Variants in PRSS23 observed in about 807,000 individuals in gnomAD.
The protein encoded by PRSS23 is serine protease 23, also known as protease, serine 23.
In PRSS23, 25 loss-of-function variants were observed where a neutral mutation model predicts 34.7. The ratio of observed to expected loss-of-function variants is 0.72; its 90% CI spans 0.53 to 1.01. PRSS23 has a LOEUF of 1.01. Ranked by LOEUF, PRSS23 falls within the 50% of genes least tolerant of loss-of-function variation. The probability of loss-of-function intolerance (pLI) is 0.00; values close to 1 mark genes in which losing one functional copy is unlikely to be tolerated. For missense variants in PRSS23, 445 were observed against 475.6 expected (o/e 0.94, Z 0.60); for synonymous variants, 176 against 186.6 (o/e 0.94, Z 0.46).
rs148843702 is a variant in PRSS23, at chr11:86,952,701, CATAA to C, written c.*1430_*1433del. 2.6e-3 allele frequency: 1,219 copies of C among 462,730 alleles called. 14 individuals are homozygous for C. Among genetic ancestry groups the C allele is most frequent in the African/African-American group, 0.022 (1,127 of 51,452 alleles). 28.7% of individuals were successfully genotyped at this position (462,730 alleles called of 1,614,324 possible). ...TAGTAATCCTTTCCAGAAGAATGTA[CATAA>C]ATAAATAAATAAAATAAATAGGGTC... On this transcript the variant is annotated 3_prime_UTR_variant, in exon 3 of 3. Coordinates refer to the PRSS23 transcript ENST00000533902.
intron 2 of PRSS23, among the ~76,000 whole-genome samples, chr11:86,834,387 G>A (rs187821578): frequency 4.6e-5 from 7 of 152,156 alleles, no homozygotes; most frequent in Middle Eastern, 3.4e-3. Context: ...TCTGAGTACC[G>A]GGACTTGGTT....
chr11:86,922,189 G>A (rs1045197922), intron 2 of PRSS23: 39 of 152,248 alleles, frequency 2.6e-4, no homozygotes, highest in African/African-American at 9.1e-4. Context: ...AATAATAATG[G>A]CCAAGGAACA....
intron 2 of PRSS23, among the ~76,000 whole-genome samples, chr11:86,848,832 G>A (rs757080231): frequency 2.0e-5 from 3 of 152,214 alleles, no homozygotes; most frequent in Non-Finnish European, 4.4e-5. Flanking sequence ...CTCTCAGACA[G>A]GCAGACCTTG....
chr11:86,816,637 A>G (rs957910553), intron 1 of PRSS23, among the ~76,000 whole-genome samples: 1 of 152,206 alleles, frequency 6.6e-6, no homozygotes, highest in African/African-American at 2.4e-5. Context: ...TCCTCTGTGG[A>G]TAAGGCATTC....
chr11:86,909,382 G>A (rs1464907464), intron 2 of PRSS23: 4 of 152,368 alleles, frequency 2.6e-5, no homozygotes, highest in Admixed American at 6.5e-5. Context: ...CTGAGGATTC[G>A]TGTTTGTGAG....
At chr11:86,847,810 G>A (rs973315293) in intron 2 of PRSS23, among the ~76,000 whole-genome samples, 8 of 152,154 alleles carry the variant, frequency 5.3e-5, no homozygotes, top group Non-Finnish European at 8.8e-5. Context: ...TTTTCTGTAA[G>A]CAGGAAGGTA....
At chr11:86,889,722 A>T (rs1948828519) in intron 2 of PRSS23, among the ~76,000 whole-genome samples, 1 of 152,198 alleles carries the variant, frequency 6.6e-6, no homozygotes, top group Non-Finnish European at 1.5e-5. Flanking sequence ...TCGTGCCTAG[A>T]ACTCTGGGGG....
At chr11:86,867,942 G>A (rs1948661358) in intron 2 of PRSS23, among the ~76,000 whole-genome samples, 2 of 151,316 alleles carry the variant, frequency 1.3e-5, no homozygotes, top group South Asian at 4.2e-4. Context: ...AGAAGTGAAG[G>A]CCACTGAAGC....
intron 2 of PRSS23, among the ~76,000 whole-genome samples, chr11:86,848,425 A>G (rs971695342): frequency 3.3e-5 from 5 of 152,224 alleles, no homozygotes; most frequent in Non-Finnish European, 7.3e-5. Context: ...ACTGACTCAG[A>G]TCATGGAGAT....
At position 86,800,543 on chromosome 11, in the gene PRSS23, C is replaced by T. The variant is rs1948020787; in HGVS notation, c.-122C>T. The T allele has an allele frequency of 1.0e-6, 1 of 984,762 alleles. No individual in the cohort carries two copies. Among genetic ancestry groups the T allele is most frequent in the African/African-American group, 1.7e-5 (1 of 57,278 alleles). The allele number at this position is 984,762 out of a possible 1,614,324, so 61.0% of individuals were successfully genotyped here. A position where few individuals can be genotyped will look rare whatever the true frequency, so the allele number is the denominator to read the frequency against. On this transcript the variant is annotated 5_prime_UTR_variant, in exon 1 of 2. Coordinates refer to ENST00000280258, the MANE Select transcript of PRSS23 (RefSeq NM_007173.6). ...CCTGCGCTGCTCGCCAGCTTGCTCGCACTCGGCTGTGCGGCGGGGCAGGCA... is the reference window on the plus strand; with the variant it reads ...CCTGCGCTGCTCGCCAGCTTGCTCGTACTCGGCTGTGCGGCGGGGCAGGCA...
At position 86,840,546 on chromosome 11, in the gene PRSS23, A is replaced by C. The variant is rs568263902; in HGVS notation, c.206+16953A>C. Among the ~76,000 whole-genome samples the C allele has an allele frequency of 6.5e-4, 99 of 152,340 alleles. 1 individual carries two copies. In the Middle Eastern group the frequency reaches 0.01, roughly 16 times the overall value. Reference sequence around the variant, plus strand: ...AACACCCCACTTCAGTATTAGACAGATCAACAAGACAGAAGGTTAACAAGG... The same window carrying C: ...AACACCCCACTTCAGTATTAGACAGCTCAACAAGACAGAAGGTTAACAAGG... On this transcript the variant is annotated intron_variant, in intron 2 of 2. Transcript: ENST00000533902.
At chr11:86,841,723 G>A (rs760695344) in intron 2 of PRSS23, among the ~76,000 whole-genome samples, 2 of 152,038 alleles carry the variant, frequency 1.3e-5, no homozygotes, top group Non-Finnish European at 2.9e-5. Context: ...CCACCCAAGA[G>A]TAAACCAGGA....
At chr11:86,875,057 A>T (rs2134952403) in intron 2 of PRSS23, among the ~76,000 whole-genome samples, 1 of 152,344 alleles carries the variant, frequency 6.6e-6, no homozygotes, top group South Asian at 2.1e-4. Context: ...ATAAGGCAGG[A>T]ACTGCATGGT....
At chr11:86,840,686 C>G (rs913544612) in intron 2 of PRSS23, among the ~76,000 whole-genome samples, 1 of 152,182 alleles carries the variant, frequency 6.6e-6, no homozygotes, top group Non-Finnish European at 1.5e-5. Context: ...CACACTTATT[C>G]TAAAATTGAC....
At chr11:86,852,871 G>T (rs188813166) in intron 2 of PRSS23, among the ~76,000 whole-genome samples, 1 of 151,706 alleles carries the variant, frequency 6.6e-6, no homozygotes, top group Non-Finnish European at 1.5e-5. Flanking sequence ...TGTTTGTTTT[G>T]GAGACAGAAT....
chr11:86,857,198 T>C lies in PRSS23; in HGVS notation c.206+33605T>C, dbSNP rs1590896986. 4 of 324,522 alleles carry C rather than the reference T, an allele frequency of 1.2e-5. No individual in the cohort carries two copies. The East Asian group carries it at 3.4e-4, about 28-fold the overall frequency. 20.1% of individuals were successfully genotyped at this position (324,522 alleles called of 1,614,324 possible). Reference sequence around the variant, plus strand: ...ATCACTGATGCCACCACTCCATTCCTGGGAGATGATGACACAGCTGAAGTC... The same window carrying C: ...ATCACTGATGCCACCACTCCATTCCCGGGAGATGATGACACAGCTGAAGTC... On this transcript the variant is annotated intron_variant, in intron 2 of 2. Coordinates refer to the PRSS23 transcript ENST00000533902.
chr11:86,797,765 G>C (rs1442326654), upstream of PRSS23, among the ~76,000 whole-genome samples: 3 of 152,122 alleles, frequency 2.0e-5, no homozygotes, highest in African/African-American at 7.2e-5. Context: ...ATTTATTAAG[G>C]GCTTGTTCCA....
chr11:86,871,417 C>T (rs1948683592), intron 2 of PRSS23, among the ~76,000 whole-genome samples: 4 of 152,138 alleles, frequency 2.6e-5, no homozygotes, highest in Admixed American at 2.0e-4. Flanking sequence ...TAGTCTTACC[C>T]TGCATATATG....
At chr11:86,938,750 G>A (rs1420715467) in intron 2 of PRSS23, among the ~76,000 whole-genome samples, 1 of 149,668 alleles carries the variant, frequency 6.7e-6, no homozygotes, top group Non-Finnish European at 1.5e-5. Context: ...TAGGGGTGGG[G>A]TGGGGCTGGA....
Sources: gnomAD v4.1 joint callset for allele counts (sites outside exome capture counted in the v4.1 genomes callset) on GRCh38, gnomAD v4.1.1 for gene constraint, MANE v1.5 for transcripts, NCBI Gene and HGNC (gene_info 2026-07-23, HGNC 2026-07-21) for gene names.